EPDR1: variants seen among roughly 807,000 people sequenced by gnomAD.
EPDR1 encodes ependymin related 1.
EPDR1 carries 27 observed loss-of-function variants against 23.7 expected under a neutral mutation model. The ratio of observed to expected loss-of-function variants is 1.14; its 90% confidence interval spans 0.84 to 1.57. The LOEUF (loss-of-function observed/expected upper bound fraction) is 1.57, where lower values mean the gene tolerates loss of function less well. Among genes scored for constraint, EPDR1 ranks in the 40% most tolerant of loss-of-function variants. The pLI is 0.00. For missense variants in EPDR1, 349 were observed against 290.4 expected (o/e 1.20, Z -1.47); for synonymous variants, 137 against 118.2 (o/e 1.16, Z -1.03).
In EPDR1 at chr7:37,938,152, G is replaced by A. The variant is rs142083725; in HGVS notation, c.270-10688G>A. Among the ~76,000 whole-genome samples the A allele has an allele frequency of 6.4e-3, 966 of 151,720 alleles. 11 individuals are homozygous for A. Among genetic ancestry groups the A allele is most frequent in the African/African-American group, 0.022 (928 of 41,398 alleles). The stretch of plus-strand genomic sequence containing the variant: ...ACTACAGGTGTCAGCCACCATGCCT[G>A]GCTAATTTTTTGTATTTTTAGTGGA... On this transcript the variant is annotated intron_variant, in intron 1 of 2. Coordinates refer to ENST00000199448, the MANE Select transcript of EPDR1 (RefSeq NM_017549.5).
intron 1 of EPDR1, chr7:37,921,554 G>A (rs941119883): frequency 8.2e-7 from 1 of 1,219,174 alleles, no homozygotes. Context: ...GGCTCATGGA[G>A]CCCCCTGCAG....
chr7:37,949,591 C>G (rs558157378), intron 2 of EPDR1, among the ~76,000 whole-genome samples: 1 of 152,228 alleles, frequency 6.6e-6, no homozygotes, highest in Non-Finnish European at 1.5e-5. Context: ...CCATATGACC[C>G]AGCAACTCCA....
chr7:37,944,837 G>A (rs779150780), intron 1 of EPDR1, among the ~76,000 whole-genome samples: 5 of 152,150 alleles, frequency 3.3e-5, no homozygotes, highest in Non-Finnish European at 5.9e-5. Flanking sequence ...GAGTGATGGC[G>A]ATGATTTCAA....
At chr7:37,938,644 A>G (rs1786107292) in intron 1 of EPDR1, among the ~76,000 whole-genome samples, 1 of 152,138 alleles carries the variant, frequency 6.6e-6, no homozygotes, top group Non-Finnish European at 1.5e-5. Flanking sequence ...CACTTCTACC[A>G]CTTGGTAGCC....
intron 1 of EPDR1, among the ~76,000 whole-genome samples, chr7:37,936,648 T>C (rs1212419072): frequency 6.6e-6 from 1 of 152,078 alleles, no homozygotes; most frequent in Non-Finnish European, 1.5e-5. Context: ...GAAAAATCAA[T>C]AGTCTTCATA....
Position 37,940,097 on chromosome 7 carries a change from TG to T in EPDR1, c.270-8742del, listed in dbSNP as rs112862254. ...TGCACACAGTAAATTTACATGGCCA[TG>T]AAAAAATAGGGATAGTCTGTAGGCA... On this transcript the variant is annotated intron_variant, in intron 1 of 2. Coordinates refer to ENST00000199448, the MANE Select transcript of EPDR1 (RefSeq NM_017549.5). 9.2e-5 allele frequency among the ~76,000 whole-genome samples: 14 copies of T among 152,104 alleles called. 1 individual carries two copies. In the South Asian group the frequency reaches 2.9e-3, roughly 32 times the overall value.
chr7:37,921,165 G>C lies in EPDR1; in HGVS notation c.226G>C (p.Val76Leu), dbSNP rs758176075. The change falls in exon 1 of 3, where the codon GTG becomes CTG. Residue 76 changes from valine (V) to leucine (L), a missense_variant. Coordinates refer to ENST00000199448, the MANE Select transcript of EPDR1 (RefSeq NM_017549.5). ...CTCCTACGACGGGCTCAACCAGCGC[G>C]TGCGGGTGCTGGACGAGAGGAAGGC... is the stretch of plus-strand genomic sequence containing the variant. Reference protein sequence around the residue: ...LLSYDGLNQRVRVLDERKALI... With the variant: ...LLSYDGLNQRLRVLDERKALI... 14 of 1,594,476 alleles carry C rather than the reference G, an allele frequency of 8.8e-6. No homozygotes were observed. The highest frequency in any genetic ancestry group is 6.7e-5 in the Admixed American group (4 of 59,764).
intron 1 of EPDR1, among the ~76,000 whole-genome samples, chr7:37,934,757 A>G (rs533104504): frequency 2.0e-5 from 3 of 152,186 alleles, no homozygotes; most frequent in Non-Finnish European, 4.4e-5. Context: ...CACCCTGGGT[A>G]ATATGACAAA....
Position 37,920,673 on chromosome 7 carries a change from C to A in EPDR1, c.-267C>A, listed in dbSNP as rs62443108. 3 of 745,562 alleles carry A rather than the reference C, an allele frequency of 4.0e-6. No homozygotes were observed. The highest frequency in any genetic ancestry group is 6.2e-6 in the Non-Finnish European group (3 of 485,156). The allele number at this position is 745,562 out of a possible 1,614,324, so 46.2% of individuals were successfully genotyped here. A position where few individuals can be genotyped will look rare whatever the true frequency, so the allele number is the denominator to read the frequency against. On this transcript the variant is annotated 5_prime_UTR_variant, in exon 1 of 3. Transcript: ENST00000199448. ...CCGAAGCGGCAGAAGGCAGTGGCAG[C>A]AGGCAGTGGCAGCAGGCAGTGGCCC...
At chr7:37,948,618 G>A (rs2722275) in intron 1 of EPDR1, among the ~76,000 whole-genome samples, 63,112 of 151,972 alleles carry the variant, frequency 0.42, 14,892 homozygotes, top group Non-Finnish European at 0.52. Flanking sequence ...AAAGTGCTGG[G>A]ATTACAGGGA....
At chr7:37,939,463 C>T (rs181080405) in intron 1 of EPDR1, among the ~76,000 whole-genome samples, 3 of 152,308 alleles carry the variant, frequency 2.0e-5, no homozygotes, top group Non-Finnish European at 4.4e-5. Context: ...CATTCTGCCA[C>T]TTGAGCCTTA....
intron 1 of EPDR1, among the ~76,000 whole-genome samples, chr7:37,924,921 T>G (rs1785785922): frequency 6.6e-6 from 1 of 152,206 alleles, no homozygotes; most frequent in Non-Finnish European, 1.5e-5. Flanking sequence ...TGGATCAACT[T>G]CTTAAGATTT....
In EPDR1 at chr7:37,920,732, C is replaced by G. The variant is rs144205226; in HGVS notation, c.-208C>G. On this transcript the variant is annotated 5_prime_UTR_variant, in exon 1 of 3. Transcript: ENST00000199448. ...ATAGCTCCCGCGCGATTCACTGGAG[C>G]CTTCCCCGGGCCCTGGTCCCGGCTA... 2.4e-4 allele frequency: 381 copies of G among 1,608,696 alleles called. No homozygotes were observed. Among genetic ancestry groups the G allele is most frequent in the Non-Finnish European group, 3.1e-4 (364 of 1,177,248 alleles).
chr7:37,945,941 A>C (rs1264004416), intron 1 of EPDR1, among the ~76,000 whole-genome samples: 1 of 151,960 alleles, frequency 6.6e-6, no homozygotes, highest in African/African-American at 2.4e-5. Context: ...TGTTCTCATC[A>C]TTCAGCTCCC....
chr7:37,926,840 G>A, intron 1 of EPDR1: 3 of 362,308 alleles, frequency 8.3e-6, no homozygotes, highest in Non-Finnish European at 1.7e-5. Flanking sequence ...TTAAAACCAT[G>A]TACATATCCC....
chr7:37,921,437 G>A (rs1785701467), intron 1 of EPDR1: 1 of 1,384,174 alleles, frequency 7.2e-7, no homozygotes, highest in African/African-American at 1.5e-5. Context: ...GTAACACCCA[G>A]CGAGGCGGTG....
intron 1 of EPDR1, among the ~76,000 whole-genome samples, chr7:37,928,712 C>A (rs757315736): frequency 7.9e-5 from 12 of 152,144 alleles, no homozygotes; most frequent in South Asian, 2.1e-4. Context: ...TCTCCTCAAG[C>A]CTTTTTGCTC....
chr7:37,947,770 C>G (rs1239971162), intron 1 of EPDR1, among the ~76,000 whole-genome samples: 4 of 152,348 alleles, frequency 2.6e-5, no homozygotes, highest in African/African-American at 9.6e-5. Context: ...CTTCCCCCAA[C>G]ACCAAGATGT....
chr7:37,921,433 C>A, intron 1 of EPDR1: 1 of 1,385,072 alleles, frequency 7.2e-7, no homozygotes, highest in Non-Finnish European at 9.3e-7. Context: ...CTCAGTAACA[C>A]CCAGCGAGGC....
Sources: allele counts gnomAD v4.1 joint callset (sites outside exome capture counted in the v4.1 genomes callset), GRCh38; gene constraint gnomAD v4.1.1; transcripts MANE v1.5; gene names NCBI Gene and HGNC (gene_info 2026-07-23, HGNC 2026-07-21).